Variants in ZNF236 observed in about 807,000 individuals in gnomAD.
ZNF236 encodes the protein zinc finger protein 236, also known as regulated by glucose.
In ZNF236, 50 loss-of-function variants were observed where a neutral mutation model predicts 191.2. That is an observed-to-expected ratio of 0.26 (90% confidence interval 0.21 to 0.33). ZNF236 has a LOEUF of 0.33. Ranked by LOEUF, ZNF236 falls within the 10% of genes least tolerant of loss-of-function variation. ZNF236 has a pLI of 1.00. For synonymous variants in ZNF236, 907 were observed against 928.8 expected (o/e 0.98, Z 0.43); for missense variants, 1,754 against 2,374.5 (o/e 0.74, Z 5.43).
In ZNF236 at chr18:76,968,908, A is replaced by G. The variant is rs908865413; in HGVS notation, c.*569A>G. On this transcript the variant is annotated 3_prime_UTR_variant, in exon 31 of 31. Coordinates refer to ENST00000320610, the MANE Select transcript of ZNF236 (RefSeq NM_001306089.2). ...GTTAATATAACTGATACCTTGAGAG[A>G]TGGCTGGACCAATTCTCTCCATGAC... 5 of 983,158 alleles carry G rather than the reference A, an allele frequency of 5.1e-6. No individual in the cohort carries two copies. The highest frequency in any genetic ancestry group is 3.5e-5 in the African/African-American group (2 of 57,232). 60.9% of individuals were successfully genotyped at this position (983,158 alleles called of 1,614,324 possible).
At chr18:76,841,840 C>T (rs1157647515) in intron 1 of ZNF236, among the ~76,000 whole-genome samples, 3 of 151,994 alleles carry the variant, frequency 2.0e-5, no homozygotes, top group Non-Finnish European at 4.4e-5. Flanking sequence ...ATTACAGGCA[C>T]GGGCCACCAC....
At chr18:76,823,537 C>T (rs1465432643) in intron 1 of ZNF236, among the ~76,000 whole-genome samples, 2 of 152,184 alleles carry the variant, frequency 1.3e-5, no homozygotes, top group African/African-American at 4.8e-5. Context: ...AGCGCTAGAT[C>T]GTGCACACAG....
At chr18:76,882,086 C>A (rs1019815669) in intron 9 of ZNF236, among the ~76,000 whole-genome samples, 1 of 152,202 alleles carries the variant, frequency 6.6e-6, no homozygotes, top group Non-Finnish European at 1.5e-5. Context: ...CTTCTAGGCA[C>A]AAACTTATTA....
At chr18:76,826,833 T>G (rs1975033025) in intron 1 of ZNF236, among the ~76,000 whole-genome samples, 3 of 151,970 alleles carry the variant, frequency 2.0e-5, no homozygotes, top group Admixed American at 1.3e-4. Context: ...TTTAGTGTTC[T>G]GCCTTGATAA....
At chr18:76,870,866 A>G (rs1040489572) in intron 4 of ZNF236, among the ~76,000 whole-genome samples, 1 of 152,120 alleles carries the variant, frequency 6.6e-6, no homozygotes, top group African/African-American at 2.4e-5. Flanking sequence ...TGCATTTCCC[A>G]TGAGTGAGAT....
At chr18:76,823,876 C>T (rs1031638378) in intron 1 of ZNF236, among the ~76,000 whole-genome samples, 1 of 152,198 alleles carries the variant, frequency 6.6e-6, no homozygotes, top group African/African-American at 2.4e-5. Flanking sequence ...CCCGTGCGGC[C>T]TTGGACGCGA....
intron 5 of ZNF236, among the ~76,000 whole-genome samples, chr18:76,873,261 T>C (rs1443620691): frequency 6.6e-6 from 1 of 152,244 alleles, no homozygotes; most frequent in African/African-American, 2.4e-5. Context: ...AACAGTTTGA[T>C]ATCTACCCCA....
At chr18:76,918,715 T>G (rs1967448135) in intron 19 of ZNF236, among the ~76,000 whole-genome samples, 1 of 152,126 alleles carries the variant, frequency 6.6e-6, no homozygotes, top group South Asian at 2.1e-4. Context: ...CCCCCATGCC[T>G]GGTTAATTTT....
At position 76,899,149 on chromosome 18, in the gene ZNF236, G is replaced by A. The variant is rs1977517756; in HGVS notation, c.1821G>A (p.Lys607=). ...TGAGGCACCAGCGTAAACCTGCAAA[G>A]GTCCGTGTTGGCAAGACGAATATTC... ...RKMRHQRKPA[K]VRVGKTNIPV... Residue 607 remains lysine, a synonymous_variant, in exon 11 of 31, where the codon AAG becomes AAA. Transcript: ENST00000320610. 6.2e-7 allele frequency: 1 copy of A among 1,614,134 alleles called. No homozygotes were observed. Among genetic ancestry groups the A allele is most frequent in the African/African-American group, 1.3e-5 (1 of 75,050 alleles).
chr18:76,951,102 T>G (rs1968396488), intron 27 of ZNF236, among the ~76,000 whole-genome samples: 1 of 152,250 alleles, frequency 6.6e-6, no homozygotes, highest in African/African-American at 2.4e-5. Flanking sequence ...TTGTTTCATT[T>G]GTAGAGCACA....
At chr18:76,825,846 A>G (rs189301088) in intron 1 of ZNF236, among the ~76,000 whole-genome samples, 1 of 151,986 alleles carries the variant, frequency 6.6e-6, no homozygotes, top group African/African-American at 2.4e-5. Context: ...CCTGGGCTCA[A>G]GTGATTCTCC....
In ZNF236 at chr18:76,927,661, A is replaced by T; in HGVS notation, c.4414+144A>T. ...AATCAAATGTCCTGAGAATAAAATA[A>T]GCTTTTCTTACAATTAATGATATGT... On this transcript the variant is annotated intron_variant, in intron 24 of 30. Coordinates refer to ENST00000320610, the MANE Select transcript of ZNF236 (RefSeq NM_001306089.2). This position sits in a 1 kb window ranked among gnomAD's most constrained non-coding sequence, Gnocchi z 5.4. The T allele has an allele frequency of 8.6e-7, 1 of 1,168,014 alleles. No individual in the cohort carries two copies. Among genetic ancestry groups the T allele is most frequent in the Non-Finnish European group, 1.2e-6 (1 of 855,512 alleles). 72.4% of individuals were successfully genotyped at this position (1,168,014 alleles called of 1,614,324 possible).
intron 25 of ZNF236, among the ~76,000 whole-genome samples, chr18:76,933,254 A>C (rs1302604173): frequency 6.6e-6 from 1 of 152,190 alleles, no homozygotes; most frequent in Non-Finnish European, 1.5e-5. Flanking sequence ...GGATCACCTG[A>C]GGTCAGGAGT....
intron 27 of ZNF236, among the ~76,000 whole-genome samples, chr18:76,950,162 A>G (rs541807923): frequency 6.6e-6 from 1 of 152,280 alleles, no homozygotes; most frequent in South Asian, 2.1e-4. Flanking sequence ...ATAAGACAAC[A>G]GTGAAGTTTG....
At chr18:76,860,585 T>C (rs1275578955) in intron 3 of ZNF236, among the ~76,000 whole-genome samples, 2 of 152,206 alleles carry the variant, frequency 1.3e-5, no homozygotes, top group African/African-American at 2.4e-5. Flanking sequence ...CTGCCTCTGC[T>C]GTTGTGTGGT....
At chr18:76,909,971 T>C in intron 14 of ZNF236, 97 bp from the exon 15 acceptor site, 1 of 811,360 alleles carries the variant, frequency 1.2e-6, no homozygotes, top group Non-Finnish European at 2.0e-6. Flanking sequence ...AGGTGTCTGA[T>C]ATTTGAAAAC....
intron 26 of ZNF236, among the ~76,000 whole-genome samples, chr18:76,947,098 A>G (rs1361190424): frequency 1.3e-5 from 2 of 152,026 alleles, no homozygotes; most frequent in African/African-American, 2.4e-5. Flanking sequence ...GTCTCCGTAG[A>G]TGCATCCGTT....
Position 76,919,885 on chromosome 18 carries a change from C to G in ZNF236, c.3384C>G (p.Ile1128Met). 3.1e-6 allele frequency: 5 copies of G among 1,614,178 alleles called. No individual in the cohort carries two copies. Among genetic ancestry groups the G allele is most frequent in the Non-Finnish European group, 4.2e-6 (5 of 1,180,044 alleles). ...TEEETAQLAK[I>M]RPQESATVSE... ...AGGAGACAGCCCAGTTAGCCAAGATCCGGCCGCAGGAGAGCGCCACGGTGT... is the reference window on the plus strand; with the variant it reads ...AGGAGACAGCCCAGTTAGCCAAGATGCGGCCGCAGGAGAGCGCCACGGTGT... The change falls in exon 20 of 31, where the codon ATC becomes ATG. Residue 1128 changes from isoleucine (I) to methionine (M), a missense_variant. By Grantham distance (10) the Ile-to-Met change is conservative (BLOSUM62 1). Around this residue, in one of 5 missense-constraint regions of ZNF236, gnomAD observed 641 missense variants for 869.6 expected, o/e 0.74. Coordinates refer to ENST00000320610, the MANE Select transcript of ZNF236 (RefSeq NM_001306089.2). This position sits in a 1 kb window ranked among gnomAD's most constrained non-coding sequence, Gnocchi z 5.3.
In ZNF236 at chr18:76,901,123, G is replaced by C. The variant is rs148032341; in HGVS notation, c.1894+1901G>C. Among the ~76,000 whole-genome samples, 420 of 152,266 alleles carry C rather than the reference G, an allele frequency of 2.8e-3. 6 individuals are homozygous for C. The highest frequency in any genetic ancestry group is 9.8e-3 in the African/African-American group (407 of 41,528). Reference sequence around the variant, plus strand: ...CCTAACAGGCAGCCTGGGGCTTGAGGACCCCTTAATTAATACATATAATGG... The same window carrying C: ...CCTAACAGGCAGCCTGGGGCTTGAGCACCCCTTAATTAATACATATAATGG... On this transcript the variant is annotated intron_variant, in intron 11 of 30. Transcript: ENST00000320610.
Sources: gnomAD v4.1 joint callset for allele counts (sites outside exome capture counted in the v4.1 genomes callset) on GRCh38, gnomAD v4.1.1 for gene constraint, gnomAD v4.1.1 regional missense constraint, Gnocchi (gnomAD v3.1) non-coding constraint, MANE v1.5 for transcripts, NCBI Gene and HGNC (gene_info 2026-07-23, HGNC 2026-07-21) for gene names.